NWD1: variants seen among roughly 807,000 people sequenced by gnomAD.
The protein encoded by NWD1 is NACHT domain- and WD repeat-containing protein 1.
Under a neutral mutation model 135.1 loss-of-function variants are expected in NWD1, and 129 were observed. That is an observed-to-expected ratio of 0.96 (90% confidence interval 0.83 to 1.11). NWD1 has a LOEUF of 1.11. Ranked by LOEUF, NWD1 falls within the 50% of genes least tolerant of loss-of-function variation. NWD1 has a pLI of 0.00. For synonymous variants in NWD1, 773 were observed against 786.0 expected (o/e 0.98, Z 0.28); for missense variants, 1,740 against 1,851.3 (o/e 0.94, Z 1.10).
chr19:16,750,539 C>T (rs1968534890), intron 6 of NWD1, 128 bp downstream of exon 6: 1 of 671,224 alleles, frequency 1.5e-6, no homozygotes, highest in East Asian at 3.0e-5. Flanking sequence ...ACTGCAGTCT[C>T]CAACTCCCAG....
At position 16,763,934 on chromosome 19, in the gene NWD1, A is replaced by G. The variant is rs147064227; in HGVS notation, c.2240A>G (p.Gln747Arg). The G allele has an allele frequency of 3.4e-5, 55 of 1,608,428 alleles. No individual in the cohort carries two copies. The African/African-American group carries it at 6.5e-4, about 19-fold the overall frequency. Residue 747 changes from glutamine (Q) to arginine (R), a missense_variant, in exon 9 of 19, where the codon CAG (glutamine) becomes CGG (arginine). Transcript: ENST00000524140. ...TCGGGCCGCCTGGAGGAGCTGAAACAGGAGGTTCTGGGTAAGGGCTGCCCC... is the reference window on the plus strand; with the variant it reads ...TCGGGCCGCCTGGAGGAGCTGAAACGGGAGGTTCTGGGTAAGGGCTGCCCC... ...LHSGRLEELK[Q>R]EVLGSMSWIS...
intron 17 of NWD1, among the ~76,000 whole-genome samples, chr19:16,804,433 A>G (rs1236526822): frequency 1.3e-5 from 2 of 151,888 alleles, no homozygotes; most frequent in East Asian, 1.9e-4. Flanking sequence ...CACCTCTACA[A>G]AAAAATTTAA....
At chr19:16,736,556 T>G in intron 3 of NWD1, 78 bp from the exon 4 acceptor site, 1 of 945,006 alleles carries the variant, frequency 1.1e-6, no homozygotes, top group Non-Finnish European at 1.6e-6. Context: ...AGAAACTTTC[T>G]GCTTTGTCAA....
intron 3 of NWD1, among the ~76,000 whole-genome samples, chr19:16,736,209 T>TTCCTTCCTTCCTTCCTTCCTTCCTTCC (rs1967806505): frequency 8.5e-6 from 1 of 117,034 alleles, no homozygotes; most frequent in Non-Finnish European, 1.8e-5. Context: ...TCCTTCCTTC[T>TTCCTTCCTTCCTTCCTTCCTTCCTTCC]TTCCTTCCTT....
intron 18 of NWD1, 151 bp from the exon 19 acceptor site, chr19:16,814,877 G>T: frequency 1.5e-6 from 1 of 647,880 alleles, no homozygotes; most frequent in South Asian, 1.9e-5. Context: ...GCAGATAAAG[G>T]AAGAGGGACT....
intron 4 of NWD1, among the ~76,000 whole-genome samples, chr19:16,737,963 T>TGAAAAGAAA: frequency 1.8e-5 from 1 of 55,972 alleles, no homozygotes. Flanking sequence ...AGACTCTATC[T>TGAAAAGAAA]CGAAAAGAAA....
chr19:16,747,824 CCT>C (rs1968388331), intron 5 of NWD1, among the ~76,000 whole-genome samples: 1 of 152,188 alleles, frequency 6.6e-6, no homozygotes, highest in Admixed American at 6.6e-5. Context: ...CACTACATGG[CCT>C]TTTGTGTCTG....
intron 9 of NWD1, 22 bp downstream of exon 9, chr19:16,763,967 A>T (rs538204210): frequency 7.0e-7 from 1 of 1,434,428 alleles, no homozygotes; most frequent in Admixed American, 1.7e-5. Flanking sequence ...CCCCCATCTC[A>T]GAGGACCGAG....
At chr19:16,788,951 A>G in intron 12 of NWD1, 31 bp from the exon 13 acceptor site, 1 of 1,558,268 alleles carries the variant, frequency 6.4e-7, no homozygotes, top group Non-Finnish European at 8.8e-7. Flanking sequence ...TTCCCAGCTA[A>G]TATACTCTCC....
intron 7 of NWD1, among the ~76,000 whole-genome samples, chr19:16,759,774 A>T (rs1432986251): frequency 6.6e-6 from 1 of 151,672 alleles, no homozygotes; most frequent in Admixed American, 6.6e-5. Flanking sequence ...GTGGCGGATC[A>T]CCTGAGGTCA....
At chr19:16,761,365 TTTCC>T (rs1373386457) in intron 7 of NWD1, among the ~76,000 whole-genome samples, 1 of 151,728 alleles carries the variant, frequency 6.6e-6, no homozygotes, top group African/African-American at 2.4e-5. Flanking sequence ...TCTTTCTTTC[TTTCC>T]TTCTTTCTCT....
At chr19:16,768,713 T>A (rs1969314094) in intron 10 of NWD1, among the ~76,000 whole-genome samples, 1 of 152,138 alleles carries the variant, frequency 6.6e-6, no homozygotes. Flanking sequence ...TTAAATACCA[T>A]GTTAACAAAG....
chr19:16,778,751 C>A (rs571113974), intron 11 of NWD1, among the ~76,000 whole-genome samples: 1 of 152,142 alleles, frequency 6.6e-6, no homozygotes, highest in African/African-American at 2.4e-5. Context: ...TCAAGTGATC[C>A]GCCCACCTCG....
intron 17 of NWD1, among the ~76,000 whole-genome samples, chr19:16,802,286 T>TAAAAATAA (rs1555733468): frequency 6.9e-6 from 1 of 143,948 alleles, no homozygotes; most frequent in Non-Finnish European, 1.5e-5. Flanking sequence ...AATAAATAAA[T>TAAAAATAA]AAATAAAAAT....
intron 3 of NWD1, among the ~76,000 whole-genome samples, chr19:16,736,290 T>C (rs563283081): frequency 1.4e-5 from 2 of 146,552 alleles, no homozygotes; most frequent in Non-Finnish European, 3.0e-5. Flanking sequence ...CATGCAGTAG[T>C]ACAATAAGAG....
At position 16,744,672 on chromosome 19, in the gene NWD1, G is replaced by C. The variant is rs926920404; in HGVS notation, c.450G>C (p.Arg150Ser). Residue 150 changes from arginine to serine, a missense_variant, in exon 5 of 19, where the codon AGG becomes AGC. Arg to Ser is a moderately radical substitution (Grantham distance 110). Transcript: ENST00000524140. ...GCTCTGGAGCCCAGGAGGCCCGGAG[G>C]CTGGGGCTCATCACCCAGGAGCAGT... Reference protein sequence around the residue: ...VLRSGAQEARRLGLITQEQWQ... With the variant: ...VLRSGAQEARSLGLITQEQWQ... 1.9e-5 allele frequency: 29 copies of C among 1,535,898 alleles called. No homozygotes were observed. The highest frequency in any genetic ancestry group is 2.4e-5 in the Non-Finnish European group (27 of 1,146,878).
intron 5 of NWD1, among the ~76,000 whole-genome samples, chr19:16,747,818 A>G (rs770276832): frequency 6.6e-6 from 1 of 152,194 alleles, no homozygotes; most frequent in Non-Finnish European, 1.5e-5. Flanking sequence ...ATCTCACACT[A>G]CATGGCCTTT....
intron 5 of NWD1, chr19:16,745,087 G>A (rs1335290726): frequency 1.1e-5 from 5 of 472,964 alleles, no homozygotes; most frequent in East Asian, 6.4e-5. Context: ...GGCTGGGGAG[G>A]CCTCACAATC....
chr19:16,785,185 G>A (rs1969997010), intron 12 of NWD1, among the ~76,000 whole-genome samples: 1 of 151,996 alleles, frequency 6.6e-6, no homozygotes, highest in Non-Finnish European at 1.5e-5. Flanking sequence ...ACTGTGAATG[G>A]CTAAATGCCA....
Sources: gnomAD v4.1 joint callset for allele counts (sites outside exome capture counted in the v4.1 genomes callset) on GRCh38, gnomAD v4.1.1 for gene constraint, MANE v1.5 for transcripts, NCBI Gene and HGNC (gene_info 2026-07-23, HGNC 2026-07-21) for gene names.